BPIFB2: variants seen among roughly 807,000 people sequenced by gnomAD.
The protein encoded by BPIFB2 is BPI fold containing family B member 2.
In BPIFB2, 39 loss-of-function variants were observed where a neutral mutation model predicts 50.1. The observed-to-expected ratio is 0.78, with a 90% confidence interval of 0.60 to 1.02. The LOEUF is 1.02. Ranked by LOEUF, BPIFB2 falls within the 50% of genes least tolerant of loss-of-function variation. BPIFB2 has a pLI of 0.00. For missense variants in BPIFB2, 574 were observed against 585.8 expected (o/e 0.98, Z 0.21); for synonymous variants, 280 against 256.3 (o/e 1.09, Z -0.88).
At chr20:33,010,956 G>T in intron 2 of BPIFB2, 68 bp from the exon 3 acceptor site, 1 of 1,333,268 alleles carries the variant, frequency 7.5e-7, no homozygotes, top group South Asian at 1.2e-5. Context: ...GTAGATGGCA[G>T]GCAGTGTGTT....
intron 2 of BPIFB2, among the ~76,000 whole-genome samples, chr20:33,008,962 G>A (rs1990250095): frequency 6.6e-6 from 1 of 152,162 alleles, no homozygotes. Context: ...GTCGGTTTGA[G>A]GGGCTATTTT....
In BPIFB2 at chr20:33,023,352, T is replaced by C; in HGVS notation, c.1346T>C (p.Val449Ala). Residue 449 changes from valine (V) to alanine (A), a missense_variant, in exon 16 of 16, where the codon GTG (valine) becomes GCG (alanine). By Grantham distance (64) the Val-to-Ala change is moderately conservative. Transcript: ENST00000170150. Reference sequence around the variant, plus strand: ...TCCTTTGCCCTTCAGGGCTACGTGGTGATATCCAGTGGACTCTTCTACCAG... The same window carrying C: ...TCCTTTGCCCTTCAGGGCTACGTGGCGATATCCAGTGGACTCTTCTACCAG... ...PEIFVYEGYVVISSGLFYQS is the reference protein window; with the variant it reads ...PEIFVYEGYVAISSGLFYQS 2 of 1,613,836 alleles carry C rather than the reference T, an allele frequency of 1.2e-6. No individual in the cohort carries two copies. Among genetic ancestry groups the C allele is most frequent in the South Asian group, 2.2e-5 (2 of 91,064 alleles).
intron 11 of BPIFB2, 93 bp from the exon 12 acceptor site, chr20:33,020,235 C>A: frequency 1.6e-6 from 2 of 1,255,458 alleles, no homozygotes; most frequent in Non-Finnish European, 2.3e-6. Context: ...ACACCTGCTG[C>A]CTGAATGAGT....
intron 6 of BPIFB2, 21 bp downstream of exon 6, chr20:33,015,517 T>C (rs1253674417): frequency 6.3e-7 from 1 of 1,593,292 alleles, no homozygotes; most frequent in Non-Finnish European, 8.6e-7. Context: ...TGCAGATTTC[T>C]CAGAAAGGAG....
intron 4 of BPIFB2, among the ~76,000 whole-genome samples, chr20:33,013,575 G>A (rs917448426): frequency 6.6e-6 from 1 of 152,202 alleles, no homozygotes; most frequent in African/African-American, 2.4e-5. Context: ...ACAGTGAGAG[G>A]CTCCGGACAG....
In BPIFB2 at chr20:33,020,320, G is replaced by A. The variant is rs1194261047; in HGVS notation, c.1081-8G>A. On this transcript the variant is annotated splice_region_variant and splice_polypyrimidine_tract_variant and intron_variant, in intron 11 of 15. Transcript: ENST00000170150. Reference sequence around the variant, plus strand: ...TGCCCTCTGACCCTGCTCTCCCCATGTGCCCAGGTAGTGAACTTGAGACTC... The same window carrying A: ...TGCCCTCTGACCCTGCTCTCCCCATATGCCCAGGTAGTGAACTTGAGACTC... 1.9e-6 allele frequency: 3 copies of A among 1,613,956 alleles called. No homozygotes were observed. Among genetic ancestry groups the A allele is most frequent in the Non-Finnish European group, 2.5e-6 (3 of 1,179,858 alleles).
chr20:33,015,827 G>A (rs1450218273), intron 6 of BPIFB2, among the ~76,000 whole-genome samples: 1 of 152,096 alleles, frequency 6.6e-6, no homozygotes, highest in African/African-American at 2.4e-5. Context: ...GAGAGTGAAC[G>A]AGGGTGTGGG....
intron 8 of BPIFB2, 104 bp from the exon 9 acceptor site, chr20:33,018,533 T>TG: frequency 1.4e-6 from 2 of 1,395,846 alleles, no homozygotes; most frequent in Non-Finnish European, 2.0e-6. Flanking sequence ...TTGCAGGGGC[T>TG]GGGGGGCAGG....
chr20:33,010,206 A>G (rs1990266807), intron 2 of BPIFB2, among the ~76,000 whole-genome samples: 1 of 152,268 alleles, frequency 6.6e-6, no homozygotes, highest in African/African-American at 2.4e-5. Context: ...TCAGCAGCAC[A>G]GGTGAGTGAG....
At chr20:33,012,300 G>A (rs1040808124) in intron 3 of BPIFB2, among the ~76,000 whole-genome samples, 28 of 152,198 alleles carry the variant, frequency 1.8e-4, no homozygotes, top group African/African-American at 6.3e-4. Flanking sequence ...GTGCACAGAC[G>A]CAGCTTCTGT....
chr20:33,012,928 G>C, intron 4 of BPIFB2, 21 bp downstream of exon 4: 1 of 1,588,236 alleles, frequency 6.3e-7, no homozygotes, highest in South Asian at 1.1e-5. Flanking sequence ...CTCCTTGTTA[G>C]GGGGTGAGAA....
At chr20:33,021,386 C>G in intron 14 of BPIFB2, 42 bp downstream of exon 14, 1 of 1,571,784 alleles carries the variant, frequency 6.4e-7, no homozygotes, top group Admixed American at 1.8e-5. Context: ...CTCTGGCCCC[C>G]TCCATATCCC....
At chr20:33,022,070 C>T (rs1052753521) in intron 15 of BPIFB2, among the ~76,000 whole-genome samples, 3 of 152,226 alleles carry the variant, frequency 2.0e-5, no homozygotes, top group African/African-American at 4.8e-5. Context: ...TGGGCACAAC[C>T]CCTTTGATAT....
chr20:33,018,674 C>T lies in BPIFB2; in HGVS notation c.707C>T (p.Pro236Leu). The T allele has an allele frequency of 1.2e-6, 2 of 1,614,014 alleles. No individual in the cohort carries two copies. Among genetic ancestry groups the T allele is most frequent in the Non-Finnish European group, 1.7e-6 (2 of 1,179,956 alleles). Residue 236 changes from proline (P) to leucine (L), a missense_variant, in exon 9 of 16, where the codon CCC becomes CTC. Transcript: ENST00000170150. ...CTGCTGGGCAAGCCCATCATCCTGCCCACGGATGCCACCCCTTTTGTGTTG... is the reference window on the plus strand; with the variant it reads ...CTGCTGGGCAAGCCCATCATCCTGCTCACGGATGCCACCCCTTTTGTGTTG... ...LFLLGKPIILPTDATPFVLPR... is the reference protein window; with the variant it reads ...LFLLGKPIILLTDATPFVLPR...
chr20:33,015,397 T>A, intron 5 of BPIFB2, 39 bp from the exon 6 acceptor site: 4 of 1,577,678 alleles, frequency 2.5e-6, no homozygotes. Flanking sequence ...ACTTAATATG[T>A]TTGGGAGCCC....
At chr20:33,010,210 G>T (rs1226273472) in intron 2 of BPIFB2, among the ~76,000 whole-genome samples, 1 of 152,142 alleles carries the variant, frequency 6.6e-6, no homozygotes, top group African/African-American at 2.4e-5. Flanking sequence ...CAGCACAGGT[G>T]AGTGAGGATG....
Position 33,012,848 on chromosome 20 carries a change from C to A in BPIFB2, c.249C>A (p.Phe83Leu). The change falls in exon 4 of 16, where the codon TTC becomes TTA. Residue 83 changes from phenylalanine (F) to leucine (L), a missense_variant. Physicochemically the swap from Phe to Leu is conservative, Grantham distance 22. Coordinates refer to ENST00000170150, the MANE Select transcript of BPIFB2 (RefSeq NM_025227.3). ...ATGTGCCCCGCCTCCACCTGAAATT[C>A]ATTGCTGGTTTCGGAGTGCGCCTGC... is the stretch of plus-strand genomic sequence containing the variant. ...NVHVPRLHLK[F>L]IAGFGVRLLA... 1 of 1,614,112 alleles carries A rather than the reference C, an allele frequency of 6.2e-7. No individual in the cohort carries two copies. Among genetic ancestry groups the A allele is most frequent in the South Asian group, 1.1e-5 (1 of 91,066 alleles).
At chr20:33,022,962 C>T (rs1214951308) in intron 15 of BPIFB2, among the ~76,000 whole-genome samples, 10 of 152,146 alleles carry the variant, frequency 6.6e-5, no homozygotes, top group Admixed American at 5.9e-4. Flanking sequence ...ATCGGCAGCC[C>T]TCCAGAATGC....
chr20:33,019,144 A>G (rs753003429), intron 10 of BPIFB2, 29 bp downstream of exon 10: 5 of 1,613,508 alleles, frequency 3.1e-6, no homozygotes, highest in Non-Finnish European at 3.4e-6. Context: ...CATTCCAGGG[A>G]CTGAGACAAG....
Sources: gnomAD v4.1 joint callset for allele counts (sites outside exome capture counted in the v4.1 genomes callset) on GRCh38, gnomAD v4.1.1 for gene constraint, MANE v1.5 for transcripts, NCBI Gene and HGNC (gene_info 2026-07-23, HGNC 2026-07-21) for gene names.